C6orf89: variants seen among roughly 807,000 people sequenced by gnomAD.
C6orf89 encodes the protein chromosome 6 open reading frame 89.
A neutral mutation model predicts 40.7 loss-of-function variants in C6orf89; 29 were observed. That is an observed-to-expected ratio of 0.71 (90% CI 0.53 to 0.97). The LOEUF (loss-of-function observed/expected upper bound fraction) is 0.97. Ranked by LOEUF, C6orf89 falls within the 50% of genes least tolerant of loss-of-function variation. The probability of loss-of-function intolerance (pLI) is 0.00; values close to 1 mark genes in which losing one functional copy is unlikely to be tolerated. For synonymous variants in C6orf89, 165 were observed against 152.2 expected (o/e 1.08, Z -0.62); for missense variants, 392 against 429.1 (o/e 0.91, Z 0.76).
Position 36,923,519 on chromosome 6 carries a change from G to T in C6orf89, c.*78G>T. 8.9e-7 allele frequency: 1 copy of T among 1,126,164 alleles called. No individual in the cohort carries two copies. Among genetic ancestry groups the T allele is most frequent in the Non-Finnish European group, 1.3e-6 (1 of 750,192 alleles). The allele number at this position is 1,126,164 out of a possible 1,614,324, so 69.8% of individuals were successfully genotyped here. On this transcript the variant is annotated 3_prime_UTR_variant, in exon 9 of 9. Coordinates refer to ENST00000480824, the MANE Select transcript of C6orf89 (RefSeq NM_001286635.2). ...GGGGAAAAATAAAAACAAAAACGATGAAACTGCTTTCTGGGGGTTGGTTAC... is the reference window on the plus strand; with the variant it reads ...GGGGAAAAATAAAAACAAAAACGATTAAACTGCTTTCTGGGGGTTGGTTAC...
At chr6:36,889,560 C>A (rs891743559) in intron 1 of C6orf89, among the ~76,000 whole-genome samples, 1 of 142,700 alleles carries the variant, frequency 7.0e-6, no homozygotes, top group African/African-American at 2.6e-5. Context: ...TGTCAATGTC[C>A]TAAAAGACCA....
chr6:36,899,376 T>A, intron 2 of C6orf89, 50 bp from the exon 3 acceptor site: 1 of 1,571,472 alleles, frequency 6.4e-7, no homozygotes. Flanking sequence ...AGGAAGTACC[T>A]AAAGAAACCA....
rs1316738319 is a variant in C6orf89, at chr6:36,926,957, G to T, written c.*3516G>T. Reference sequence around the variant, plus strand: ...GTCAGCAAGCCAGGAACTCCGCAGGGTTTGTTTTTAAAACTCTGCTGGACA... The same window carrying T: ...GTCAGCAAGCCAGGAACTCCGCAGGTTTTGTTTTTAAAACTCTGCTGGACA... On this transcript the variant is annotated 3_prime_UTR_variant, in exon 9 of 9. Transcript: ENST00000480824. 5 of 152,246 alleles carry T rather than the reference G, an allele frequency of 3.3e-5. No individual in the cohort carries two copies. The highest frequency in any genetic ancestry group is 7.3e-5 in the Non-Finnish European group (5 of 68,060). 9.4% of individuals were successfully genotyped at this position (152,246 alleles called of 1,614,324 possible).
At chr6:36,881,341 A>G (rs1774801066), upstream of C6orf89, among the ~76,000 whole-genome samples, 1 of 152,234 alleles carries the variant, frequency 6.6e-6, no homozygotes. Context: ...AATTAAATAA[A>G]GCTAAAGGTT....
intron 4 of C6orf89, among the ~76,000 whole-genome samples, chr6:36,913,682 T>G (rs1762204678): frequency 6.6e-6 from 1 of 152,232 alleles, no homozygotes. Flanking sequence ...CTGTTATGCT[T>G]TATTTGTTGA....
At chr6:36,908,016 T>C (rs548987311) in intron 4 of C6orf89, among the ~76,000 whole-genome samples, 1 of 152,260 alleles carries the variant, frequency 6.6e-6, no homozygotes, top group Non-Finnish European at 1.5e-5. Flanking sequence ...TCTGGCCACA[T>C]CTCTTTCTGT....
At chr6:36,911,941 C>G (rs1317514311) in intron 4 of C6orf89, among the ~76,000 whole-genome samples, 2 of 147,864 alleles carry the variant, frequency 1.4e-5, no homozygotes, top group African/African-American at 4.9e-5. Context: ...CCCCCCCCCC[C>G]CGACCTTTTC....
chr6:36,912,462 T>C (rs190767328), intron 4 of C6orf89, among the ~76,000 whole-genome samples: 2 of 152,348 alleles, frequency 1.3e-5, no homozygotes, highest in East Asian at 3.9e-4. Context: ...TGCCCCATGG[T>C]GTGTCCATTA....
Position 36,923,572 on chromosome 6 carries a change from G to A in C6orf89, c.*131G>A, listed in dbSNP as rs903467023. 2.0e-5 allele frequency: 15 copies of A among 733,408 alleles called. No homozygotes were observed. The highest frequency in any genetic ancestry group is 3.7e-5 in the Non-Finnish European group (15 of 405,358). 45.4% of individuals were successfully genotyped at this position (733,408 alleles called of 1,614,324 possible). A position where few individuals can be genotyped will look rare whatever the true frequency, so the allele number is the denominator to read the frequency against. ...AGTTACCTGCCCTTTGCATGCATGT[G>A]TGAACCAGCTGTGAGCTGCAAGGCA... On this transcript the variant is annotated 3_prime_UTR_variant, in exon 9 of 9. Coordinates refer to ENST00000480824, the MANE Select transcript of C6orf89 (RefSeq NM_001286635.2).
chr6:36,912,617 C>G (rs1762167295), intron 4 of C6orf89, among the ~76,000 whole-genome samples: 1 of 152,166 alleles, frequency 6.6e-6, no homozygotes, highest in Non-Finnish European at 1.5e-5. Context: ...TCAGCTACCC[C>G]CAGAGTACTG....
At chr6:36,896,226 G>C (rs1018348639) in intron 2 of C6orf89, among the ~76,000 whole-genome samples, 1 of 152,094 alleles carries the variant, frequency 6.6e-6, no homozygotes, top group Non-Finnish European at 1.5e-5. Context: ...TTCTGCCTCA[G>C]CCTCCCAGAT....
At chr6:36,910,488 G>A (rs1762085303) in intron 4 of C6orf89, among the ~76,000 whole-genome samples, 1 of 152,100 alleles carries the variant, frequency 6.6e-6, no homozygotes, top group African/African-American at 2.4e-5. Context: ...AGCACTTTGG[G>A]AGGCCAAGGC....
chr6:36,874,815 C>T (rs1037182862), intron 1 of C6orf89: 2 of 1,606,710 alleles, frequency 1.2e-6, no homozygotes, highest in East Asian at 2.2e-5. Flanking sequence ...ATTGCTACTT[C>T]CGGCGTCGAT....
chr6:36,908,189 C>T (rs542714476), intron 4 of C6orf89, among the ~76,000 whole-genome samples: 3 of 152,276 alleles, frequency 2.0e-5, no homozygotes, highest in Admixed American at 1.3e-4. Context: ...TTTGGGCTCC[C>T]TTAGTTCAGG....
intron 4 of C6orf89, among the ~76,000 whole-genome samples, chr6:36,906,726 G>A (rs73420335): frequency 0.012 from 1,851 of 152,218 alleles, 46 homozygotes; most frequent in African/African-American, 0.042. Flanking sequence ...CCTGGCAGAA[G>A]CCTCCTTCAT....
At position 36,923,974 on chromosome 6, in the gene C6orf89, A is replaced by G. The variant is rs1762600678; in HGVS notation, c.*533A>G. 1 of 193,558 alleles carries G rather than the reference A, an allele frequency of 5.2e-6. No individual in the cohort carries two copies. The highest frequency in any genetic ancestry group is 1.1e-5 in the Non-Finnish European group (1 of 91,662). The allele number at this position is 193,558 out of a possible 1,614,324, so 12.0% of individuals were successfully genotyped here. ...AATCTAGAAACAGTGAAAAAAGTTC[A>G]GATAACTTTGAATTGCATTCAAGAA... On this transcript the variant is annotated 3_prime_UTR_variant, in exon 9 of 9. Transcript: ENST00000480824.
intron 1 of C6orf89, among the ~76,000 whole-genome samples, chr6:36,886,847 G>T (rs1775010189): frequency 6.6e-6 from 1 of 152,124 alleles, no homozygotes; most frequent in Admixed American, 6.5e-5. Flanking sequence ...TCCCTCTAGG[G>T]AATAACATGC....
intron 4 of C6orf89, among the ~76,000 whole-genome samples, chr6:36,909,255 T>G (rs1413683686): frequency 6.6e-6 from 1 of 151,364 alleles, no homozygotes; most frequent in Non-Finnish European, 1.5e-5. Flanking sequence ...ATAGATATAC[T>G]TTTTTTCTGT....
intron 1 of C6orf89, among the ~76,000 whole-genome samples, chr6:36,873,258 G>A (rs1302833733): frequency 6.6e-6 from 1 of 152,060 alleles, no homozygotes; most frequent in Non-Finnish European, 1.5e-5. Flanking sequence ...AGTGCCTAAG[G>A]ATACAATATG....
Sources: allele counts gnomAD v4.1 joint callset (sites outside exome capture counted in the v4.1 genomes callset), GRCh38; gene constraint gnomAD v4.1.1; transcripts MANE v1.5; gene names NCBI Gene and HGNC (gene_info 2026-07-23, HGNC 2026-07-21).